Variants in PRELID2 observed in about 807,000 individuals in gnomAD.
PRELID2 encodes the protein PRELI domain containing 2, also known as PRELI domain-containing protein 2.
Under a neutral mutation model 28.4 loss-of-function variants are expected in PRELID2, and 25 were observed. That is an observed-to-expected ratio of 0.88 (90% CI 0.64 to 1.23). The LOEUF (loss-of-function observed/expected upper bound fraction) is 1.23, where lower values mean the gene tolerates loss of function less well. Among genes scored for constraint, PRELID2 ranks in the 50% most tolerant of loss-of-function variants. The pLI is 0.00. For synonymous variants in PRELID2, 76 were observed against 71.6 expected, an observed-to-expected ratio of 1.06 and a Z score of -0.31; for missense variants, 201 against 214.4, an observed-to-expected ratio of 0.94 and a Z score of 0.39.
intron 1 of PRELID2, among the ~76,000 whole-genome samples, chr5:145,624,164 G>T (rs1753813125): frequency 6.6e-6 from 1 of 152,130 alleles, no homozygotes; most frequent in Non-Finnish European, 1.5e-5. Context: ...ATCCTCCACG[G>T]CTTCTCAGAG....
At chr5:145,531,077 C>CTATA (rs146268957) in intron 1 of PRELID2, among the ~76,000 whole-genome samples, 1 of 150,646 alleles carries the variant, frequency 6.6e-6, no homozygotes, top group Non-Finnish European at 1.5e-5. Flanking sequence ...GTTTGAAAGT[C>CTATA]TATATATATA....
At chr5:145,245,500 T>C in the PRELID2 span, among the ~76,000 whole-genome samples, 77 of 152,198 alleles carry the variant, frequency 5.1e-4, no homozygotes, top group African/African-American at 1.7e-3. Flanking sequence ...GTGGTTTTTC[T>C]GGCTAGGCCT....
intron 1 of PRELID2, among the ~76,000 whole-genome samples, chr5:145,498,673 C>T (rs1752328566): frequency 6.6e-6 from 1 of 152,104 alleles, no homozygotes; most frequent in African/African-American, 2.4e-5. Context: ...GGACTAGAGG[C>T]ATGCACCACC....
intron 1 of PRELID2, among the ~76,000 whole-genome samples, chr5:145,740,840 C>CTATAAATACATAT (rs1561566818): frequency 7.6e-5 from 8 of 104,976 alleles, no homozygotes; most frequent in African/African-American, 3.0e-4. Context: ...ATATATTTAT[C>CTATAAATACATAT]GATAAATATA....
chr5:145,254,073 G>A, the PRELID2 span, among the ~76,000 whole-genome samples: 1 of 152,012 alleles, frequency 6.6e-6, no homozygotes, highest in African/African-American at 2.4e-5. Flanking sequence ...CTGAGAACTT[G>A]TGCATGAGGT....
the PRELID2 span, among the ~76,000 whole-genome samples, chr5:145,365,756 T>C: frequency 6.6e-6 from 1 of 151,882 alleles, no homozygotes; most frequent in African/African-American, 2.4e-5. Context: ...GTTTCAGTGT[T>C]TGGGTCTTAA....
intron 1 of PRELID2, among the ~76,000 whole-genome samples, chr5:145,614,057 A>C (rs1047779525): frequency 3.3e-5 from 5 of 152,098 alleles, no homozygotes; most frequent in Non-Finnish European, 7.4e-5. Context: ...TTATCCCAGC[A>C]CCATTTGTTG....
the PRELID2 span, among the ~76,000 whole-genome samples, chr5:145,294,579 G>T: frequency 2.0e-5 from 3 of 151,650 alleles, no homozygotes. Flanking sequence ...CCTATATCAA[G>T]ATTATTAACT....
chr5:145,323,896 G>A, the PRELID2 span, among the ~76,000 whole-genome samples: 1 of 152,090 alleles, frequency 6.6e-6, no homozygotes, highest in Non-Finnish European at 1.5e-5. Flanking sequence ...TCATGTCTTT[G>A]CTATTGTGAA....
chr5:145,725,694 C>A (rs1325689867), intron 1 of PRELID2, among the ~76,000 whole-genome samples: 2 of 152,094 alleles, frequency 1.3e-5, no homozygotes, highest in African/African-American at 4.8e-5. Flanking sequence ...TGCTAATTGT[C>A]ACTTTCCAAG....
chr5:145,626,731 T>G (rs1382044373), intron 1 of PRELID2, among the ~76,000 whole-genome samples: 2 of 152,192 alleles, frequency 1.3e-5, no homozygotes, highest in East Asian at 3.8e-4. Context: ...CTTGTATGTT[T>G]ATTGCAGCAC....
the PRELID2 span, among the ~76,000 whole-genome samples, chr5:145,458,527 T>TC: frequency 6.6e-6 from 1 of 152,198 alleles, no homozygotes; most frequent in South Asian, 2.1e-4. Context: ...GTCTGGAGAC[T>TC]TTTTTGTGAT....
At chr5:145,554,888 A>G (rs1004253239) in intron 1 of PRELID2, among the ~76,000 whole-genome samples, 30 of 152,210 alleles carry the variant, frequency 2.0e-4, no homozygotes, top group African/African-American at 7.0e-4. Flanking sequence ...ATCATCAGGA[A>G]ATAGTGAATG....
chr5:145,461,151 A>G, the PRELID2 span, among the ~76,000 whole-genome samples: 1 of 152,322 alleles, frequency 6.6e-6, no homozygotes, highest in African/African-American at 2.4e-5. Context: ...TCCTATTTTC[A>G]ATCTGGCCTT....
At chr5:145,790,910 T>TATAC (rs1239617391) in intron 5 of PRELID2, among the ~76,000 whole-genome samples, 3 of 149,052 alleles carry the variant, frequency 2.0e-5, no homozygotes, top group East Asian at 2.0e-4. Flanking sequence ...TATATATATA[T>TATAC]ACCAAAAAGA....
chr5:145,463,749 A>C, the PRELID2 span, among the ~76,000 whole-genome samples: 4 of 152,218 alleles, frequency 2.6e-5, no homozygotes, highest in African/African-American at 9.6e-5. Flanking sequence ...TCTTAGCAGT[A>C]AAGATCCCAC....
the PRELID2 span, among the ~76,000 whole-genome samples, chr5:145,254,680 T>C: frequency 4.6e-5 from 7 of 152,020 alleles, no homozygotes; most frequent in Non-Finnish European, 1.0e-4. Flanking sequence ...CACACTGTGA[T>C]ACAGATTTGC....
At chr5:145,370,747 C>T in the PRELID2 span, among the ~76,000 whole-genome samples, 15 of 152,104 alleles carry the variant, frequency 9.9e-5, no homozygotes, top group Non-Finnish European at 1.8e-4. Context: ...TTCTTCCTGT[C>T]CATGAGGATG....
downstream of PRELID2, among the ~76,000 whole-genome samples, chr5:145,751,807 C>T (rs1048577604): frequency 6.6e-6 from 1 of 152,092 alleles, no homozygotes; most frequent in African/African-American, 2.4e-5. Context: ...CATGGTGAAA[C>T]CCCATCTCTA....
Sources: gnomAD v4.1 joint callset for allele counts (sites outside exome capture counted in the v4.1 genomes callset) on GRCh38, gnomAD v4.1.1 for gene constraint, MANE v1.5 for transcripts, NCBI Gene and HGNC (gene_info 2026-07-23, HGNC 2026-07-21) for gene names.